Variants in DNM3 observed in about 807,000 individuals in gnomAD.
The protein encoded by DNM3 is dynamin-3.
In DNM3, 47 loss-of-function variants were observed where a neutral mutation model predicts 101.6. The ratio of observed to expected loss-of-function variants is 0.46; its 90% CI spans 0.37 to 0.59. The LOEUF (loss-of-function observed/expected upper bound fraction) is 0.59, where lower values mean the gene tolerates loss of function less well. Among genes scored for constraint, DNM3 ranks in the 20% least tolerant of loss-of-function variants. DNM3 has a pLI of 0.00. For synonymous variants in DNM3, 385 were observed against 387.9 expected (o/e 0.99, Z 0.09); for missense variants, 849 against 1,085.7 (o/e 0.78, Z 3.06).
chr1:172,087,683 T>C (rs1298516120), intron 12 of DNM3, among the ~76,000 whole-genome samples: 3 of 152,202 alleles, frequency 2.0e-5, no homozygotes, highest in African/African-American at 7.2e-5. Flanking sequence ...AATTCATCTA[T>C]TTCTTTCTAT....
chr1:172,290,023 A>G, intron 15 of DNM3: 6 of 921,988 alleles, frequency 6.5e-6, no homozygotes, highest in Non-Finnish European at 7.8e-6. Context: ...GTGATAATGT[A>G]AGATCTTTGT....
At chr1:172,122,911 C>G (rs1042117627) in intron 13 of DNM3, among the ~76,000 whole-genome samples, 1 of 152,062 alleles carries the variant, frequency 6.6e-6, no homozygotes, top group African/African-American at 2.4e-5. Context: ...GGAAAATGTT[C>G]CTTCCCTCAC....
intron 2 of DNM3, among the ~76,000 whole-genome samples, chr1:171,973,676 T>C (rs1437136080): frequency 1.3e-5 from 2 of 151,276 alleles, no homozygotes; most frequent in African/African-American, 2.4e-5. Flanking sequence ...CAAAATCTTT[T>C]TTTTTTTTTT....
In DNM3 at chr1:171,989,632, C is replaced by T. The variant is rs191812211; in HGVS notation, c.589+484C>T. 3.3e-5 allele frequency among the ~76,000 whole-genome samples: 5 copies of T among 152,186 alleles called. No homozygotes were observed. In the East Asian group the frequency reaches 7.7e-4, roughly 23 times the overall value. On this transcript the variant is annotated intron_variant, in intron 4 of 20. Coordinates refer to ENST00000627582, the MANE Select transcript of DNM3 (RefSeq NM_015569.5). ...TTATAATTATTTGAGAAAAAATGTA[C>T]GTATAAGCAGGGATTTATTTGGTAT...
At chr1:172,275,539 A>AG (rs200045649) in intron 15 of DNM3, among the ~76,000 whole-genome samples, 4,431 of 152,150 alleles carry the variant, frequency 0.029, 93 homozygotes, top group Middle Eastern at 0.071. Context: ...GCTCTTTTCA[A>AG]AACCACCTTA....
intron 15 of DNM3, among the ~76,000 whole-genome samples, chr1:172,255,369 T>C (rs2148693171): frequency 6.6e-6 from 1 of 152,174 alleles, no homozygotes; most frequent in Admixed American, 6.6e-5. Flanking sequence ...TCTAAAGCAA[T>C]CATCAGAGGT....
intron 1 of DNM3, 51 bp from the exon 2 acceptor site, chr1:171,921,697 A>C: frequency 6.9e-7 from 1 of 1,456,332 alleles, no homozygotes; most frequent in South Asian, 1.2e-5. Context: ...ATGAATGTAC[A>C]GGTGATAAGA....
intron 15 of DNM3, among the ~76,000 whole-genome samples, chr1:172,265,643 T>C (rs1208020898): frequency 6.6e-6 from 1 of 152,228 alleles, no homozygotes; most frequent in Admixed American, 6.5e-5. Context: ...CAAATGCTCC[T>C]CCAGGTTTTT....
At chr1:171,958,114 C>G (rs1044099065) in intron 2 of DNM3, among the ~76,000 whole-genome samples, 1 of 152,238 alleles carries the variant, frequency 6.6e-6, no homozygotes, top group Middle Eastern at 3.4e-3. Context: ...GTGAAAGGCA[C>G]GTCTCACATG....
At chr1:172,070,301 G>C (rs2052058275) in intron 11 of DNM3, among the ~76,000 whole-genome samples, 1 of 152,128 alleles carries the variant, frequency 6.6e-6, no homozygotes, top group Non-Finnish European at 1.5e-5. Flanking sequence ...CCTAGGGCCA[G>C]AGGTTCTCCC....
At chr1:172,121,697 T>A (rs987857004) in intron 13 of DNM3, among the ~76,000 whole-genome samples, 2 of 152,234 alleles carry the variant, frequency 1.3e-5, no homozygotes, top group Non-Finnish European at 2.9e-5. Context: ...ATTTATAAAA[T>A]CTTTGTTAGT....
At chr1:172,024,024 C>A (rs1318534526) in intron 4 of DNM3, among the ~76,000 whole-genome samples, 1 of 151,954 alleles carries the variant, frequency 6.6e-6, no homozygotes, top group African/African-American at 2.4e-5. Flanking sequence ...TCCATGAATG[C>A]AATAAGTTCT....
intron 14 of DNM3, among the ~76,000 whole-genome samples, chr1:172,183,359 C>G (rs893182665): frequency 1.5e-4 from 23 of 152,084 alleles, no homozygotes; most frequent in African/African-American, 4.8e-4. Flanking sequence ...CTATATTATA[C>G]AAAGTTTTTT....
intron 4 of DNM3, among the ~76,000 whole-genome samples, chr1:172,028,286 T>C (rs1210602826): frequency 6.6e-6 from 1 of 152,186 alleles, no homozygotes; most frequent in East Asian, 1.9e-4. Context: ...CACAACGTCA[T>C]GGAAACTGAA....
chr1:172,411,423 C>CTCCAAT lies in DNM3; in HGVS notation c.*3583_*3584insCCAATT. The CTCCAAT allele has an allele frequency of 1.0e-6, 1 of 984,750 alleles. No homozygotes were observed. The highest frequency in any genetic ancestry group is 1.2e-6 in the Non-Finnish European group (1 of 829,666). 61.0% of individuals were successfully genotyped at this position (984,750 alleles called of 1,614,324 possible). A position where few individuals can be genotyped will look rare whatever the true frequency, so the allele number is the denominator to read the frequency against. On this transcript the variant is annotated 3_prime_UTR_variant, in exon 21 of 21. Coordinates refer to ENST00000627582, the MANE Select transcript of DNM3 (RefSeq NM_015569.5). ...TATTTTTCGGTAAGAAGTAAAACCT[C>CTCCAAT]TGGAGACCTATCTTTAAGATCTCTA...
intron 17 of DNM3, among the ~76,000 whole-genome samples, chr1:172,368,744 A>G (rs915553475): frequency 1.3e-5 from 2 of 151,972 alleles, no homozygotes; most frequent in African/African-American, 4.8e-5. Context: ...AGACCCAAAT[A>G]AATAAAATCC....
intron 15 of DNM3, among the ~76,000 whole-genome samples, chr1:172,292,381 A>C (rs1022822955): frequency 1.3e-5 from 2 of 152,186 alleles, no homozygotes; most frequent in Non-Finnish European, 2.9e-5. Flanking sequence ...TTACATTAGC[A>C]AATATTTATT....
chr1:172,194,538 G>A (rs888690164), intron 14 of DNM3, among the ~76,000 whole-genome samples: 2 of 152,102 alleles, frequency 1.3e-5, no homozygotes, highest in Admixed American at 6.6e-5. Flanking sequence ...ATGAATCTGG[G>A]TGCTCCTGTA....
At chr1:172,195,802 AT>A (rs1387029187) in intron 14 of DNM3, among the ~76,000 whole-genome samples, 1 of 151,386 alleles carries the variant, frequency 6.6e-6, no homozygotes, top group African/African-American at 2.4e-5. Context: ...CTTTTTATGT[AT>A]TTTTGGGCTT....
Sources: allele counts gnomAD v4.1 joint callset (sites outside exome capture counted in the v4.1 genomes callset), GRCh38; gene constraint gnomAD v4.1.1; transcripts MANE v1.5; gene names NCBI Gene and HGNC (gene_info 2026-07-23, HGNC 2026-07-21).